TBC1D19: variants seen among roughly 807,000 people sequenced by gnomAD.
The protein encoded by TBC1D19 is TBC1 domain family, member 19.
TBC1D19 carries 60 observed loss-of-function variants against 89.0 expected under a neutral mutation model. The ratio of observed to expected loss-of-function variants is 0.67; its 90% CI spans 0.55 to 0.84. The LOEUF is 0.84. TBC1D19 is among the 40% of genes least tolerant of loss of function. The pLI is 0.00. For missense variants in TBC1D19, 500 were observed against 610.8 expected (o/e 0.82, Z 1.91); for synonymous variants, 189 against 199.7 (o/e 0.95, Z 0.45).
the TBC1D19 span, among the ~76,000 whole-genome samples, chr4:26,824,286 A>G: frequency 6.6e-6 from 1 of 152,368 alleles, no homozygotes; most frequent in Non-Finnish European, 1.5e-5. Flanking sequence ...CCATGCCGGA[A>G]GCATGTGAAG....
chr4:26,663,226 G>A (rs1378587356), intron 8 of TBC1D19, among the ~76,000 whole-genome samples: 1 of 152,188 alleles, frequency 6.6e-6, no homozygotes, highest in Non-Finnish European at 1.5e-5. Context: ...ATTATAAACA[G>A]TGTGGAAAAA....
intron 13 of TBC1D19, among the ~76,000 whole-genome samples, chr4:26,707,868 A>G (rs1172183013): frequency 6.6e-6 from 1 of 152,052 alleles, no homozygotes; most frequent in Non-Finnish European, 1.5e-5. Flanking sequence ...TGATGATATC[A>G]GAATGTTACA....
chr4:26,633,220 G>A (rs1441909186), intron 4 of TBC1D19, among the ~76,000 whole-genome samples: 1 of 152,022 alleles, frequency 6.6e-6, no homozygotes, highest in Non-Finnish European at 1.5e-5. Context: ...TCTGTATTGG[G>A]TTTCTCTTCC....
chr4:26,603,687 A>T (rs6448458), intron 1 of TBC1D19, among the ~76,000 whole-genome samples: 69,302 of 152,026 alleles, frequency 0.46, 17,556 homozygotes, highest in Admixed American at 0.6. Context: ...CAAAAATGTA[A>T]AACAGTGCCT....
At chr4:26,780,173 C>G in the TBC1D19 span, among the ~76,000 whole-genome samples, 1 of 152,134 alleles carries the variant, frequency 6.6e-6, no homozygotes, top group African/African-American at 2.4e-5. Context: ...AAAACTGAGA[C>G]CTTAGGATAT....
chr4:26,709,345 G>A (rs1414818487), intron 13 of TBC1D19, among the ~76,000 whole-genome samples: 3 of 152,046 alleles, frequency 2.0e-5, no homozygotes, highest in African/African-American at 4.8e-5. Flanking sequence ...GAATAAAAGA[G>A]AAAATGAAGA....
At chr4:26,727,601 T>G (rs1452317629) in intron 15 of TBC1D19, among the ~76,000 whole-genome samples, 1 of 152,182 alleles carries the variant, frequency 6.6e-6, no homozygotes, top group African/African-American at 2.4e-5. Context: ...TGCAACCCAA[T>G]GAAGTTGATC....
intron 1 of TBC1D19, among the ~76,000 whole-genome samples, chr4:26,608,002 G>C (rs1232135809): frequency 6.6e-6 from 1 of 152,176 alleles, no homozygotes; most frequent in African/African-American, 2.4e-5. Context: ...CCTAGTGATG[G>C]TATACTGCTG....
At chr4:26,855,912 T>G in the TBC1D19 span, among the ~76,000 whole-genome samples, 7 of 152,264 alleles carry the variant, frequency 4.6e-5, no homozygotes, top group Non-Finnish European at 8.8e-5. Context: ...TTGAGCTATA[T>G]GTACATTGTA....
chr4:26,820,964 A>G, the TBC1D19 span, among the ~76,000 whole-genome samples: 16 of 152,358 alleles, frequency 1.1e-4, no homozygotes, highest in Admixed American at 2.6e-4. Flanking sequence ...GCATATAAAA[A>G]TATCTGTTGA....
upstream of TBC1D19, among the ~76,000 whole-genome samples, chr4:26,579,698 C>T (rs1739032573): frequency 6.6e-6 from 1 of 151,700 alleles, no homozygotes; most frequent in African/African-American, 2.4e-5. Flanking sequence ...TGTGTTGTTC[C>T]CCTAGCTGTG....
intron 1 of TBC1D19, among the ~76,000 whole-genome samples, chr4:26,593,907 T>G (rs1164209864): frequency 6.6e-6 from 1 of 152,180 alleles, no homozygotes; most frequent in Admixed American, 6.5e-5. Flanking sequence ...GTAAACTAGT[T>G]CAACCATTGT....
At chr4:26,716,016 G>A (rs1041666920) in intron 13 of TBC1D19, among the ~76,000 whole-genome samples, 10 of 151,972 alleles carry the variant, frequency 6.6e-5, no homozygotes, top group Admixed American at 2.0e-4. Context: ...AGCCTACACT[G>A]AACAGCCTCT....
chr4:26,642,627 A>G (rs945839112), intron 7 of TBC1D19, among the ~76,000 whole-genome samples: 9 of 152,230 alleles, frequency 5.9e-5, no homozygotes, highest in African/African-American at 2.2e-4. Flanking sequence ...TAAAAGACAC[A>G]GACTGGCAAA....
chr4:26,697,890 C>T (rs1269954415), intron 13 of TBC1D19, among the ~76,000 whole-genome samples: 5 of 152,174 alleles, frequency 3.3e-5, no homozygotes, highest in Admixed American at 3.3e-4. Context: ...CTATGACAAA[C>T]CCACAGCCAA....
intron 4 of TBC1D19, among the ~76,000 whole-genome samples, chr4:26,628,471 C>T (rs973514863): frequency 6.6e-6 from 1 of 151,998 alleles, no homozygotes; most frequent in Non-Finnish European, 1.5e-5. Context: ...CCCTCTCTCA[C>T]CACTTCTATT....
intron 15 of TBC1D19, among the ~76,000 whole-genome samples, chr4:26,733,301 GCCTAAGCTATTTAAATAAATAGTATAGGC>G (rs1160879524): frequency 3.3e-5 from 5 of 152,140 alleles, no homozygotes; most frequent in African/African-American, 1.2e-4. Flanking sequence ...ACAAATAATA[GCCTAAGCTATTTAAATAAATAGTATAGGC>G]CCTAAGCTAT....
chr4:26,737,989 A>G (rs1020037306), intron 16 of TBC1D19, among the ~76,000 whole-genome samples: 11 of 152,000 alleles, frequency 7.2e-5, no homozygotes, highest in Non-Finnish European at 1.5e-4. Flanking sequence ...TTATGGTGTC[A>G]TAAATTCCTA....
At chr4:26,726,994 G>A (rs1226770869) in intron 15 of TBC1D19, among the ~76,000 whole-genome samples, 1 of 152,148 alleles carries the variant, frequency 6.6e-6, no homozygotes, top group Non-Finnish European at 1.5e-5. Context: ...ACATTGAGTG[G>A]AATAGGCAGT....
Sources: allele counts gnomAD v4.1 joint callset (sites outside exome capture counted in the v4.1 genomes callset), GRCh38; gene constraint gnomAD v4.1.1; transcripts MANE v1.5; gene names NCBI Gene and HGNC (gene_info 2026-07-23, HGNC 2026-07-21).